Variants in KCTD16 observed in about 807,000 individuals in gnomAD.
KCTD16 encodes potassium channel tetramerization domain containing 16.
A neutral mutation model predicts 33.2 loss-of-function variants in KCTD16; 13 were observed. The observed-to-expected ratio is 0.39, with a 90% CI of 0.25 to 0.62. The LOEUF (loss-of-function observed/expected upper bound fraction) is 0.62. KCTD16 is among the 20% of genes least tolerant of loss of function. KCTD16 has a pLI of 0.50. For missense variants in KCTD16, 441 were observed against 525.1 expected, an observed-to-expected ratio of 0.84 and a Z score of 1.57; for synonymous variants, 197 against 195.3, an observed-to-expected ratio of 1.01 and a Z score of -0.07.
At chr5:144,417,990 G>A (rs776788135) in intron 3 of KCTD16, among the ~76,000 whole-genome samples, 7 of 152,136 alleles carry the variant, frequency 4.6e-5, no homozygotes, top group Non-Finnish European at 1.0e-4. Context: ...GAAGTGTCCA[G>A]AGTTTCTTCC....
intron 3 of KCTD16, among the ~76,000 whole-genome samples, chr5:144,363,392 A>G (rs889872180): frequency 6.6e-6 from 1 of 151,954 alleles, no homozygotes; most frequent in Non-Finnish European, 1.5e-5. Context: ...AAGTGAATCC[A>G]TATCTCAAAG....
At chr5:144,417,516 T>G (rs1753088941) in intron 3 of KCTD16, among the ~76,000 whole-genome samples, 1 of 152,164 alleles carries the variant, frequency 6.6e-6, no homozygotes, top group Admixed American at 6.5e-5. Context: ...TTCCAAAAAA[T>G]TATCAGATAG....
At chr5:144,358,455 A>T (rs533547056) in intron 3 of KCTD16, among the ~76,000 whole-genome samples, 1 of 152,218 alleles carries the variant, frequency 6.6e-6, no homozygotes, top group Non-Finnish European at 1.5e-5. Flanking sequence ...TTGAACTCAT[A>T]TATTTATTGA....
chr5:144,256,604 A>C (rs1580824592), intron 3 of KCTD16, among the ~76,000 whole-genome samples: 2 of 149,318 alleles, frequency 1.3e-5, no homozygotes, highest in East Asian at 3.9e-4. Flanking sequence ...AAAGTCCCCA[A>C]GGAGTTTTTT....
intron 3 of KCTD16, among the ~76,000 whole-genome samples, chr5:144,449,108 T>C (rs1192251124): frequency 1.3e-5 from 2 of 152,088 alleles, no homozygotes; most frequent in African/African-American, 4.8e-5. Flanking sequence ...TATATGTACA[T>C]ATAAATTTAA....
At chr5:144,434,519 T>C (rs1477450395) in intron 3 of KCTD16, among the ~76,000 whole-genome samples, 1 of 152,146 alleles carries the variant, frequency 6.6e-6, no homozygotes, top group African/African-American at 2.4e-5. Context: ...TTAGGCTCCA[T>C]TGGTTCTGTG....
At chr5:144,264,349 A>G (rs188991777) in intron 3 of KCTD16, among the ~76,000 whole-genome samples, 338 of 152,300 alleles carry the variant, frequency 2.2e-3, no homozygotes, top group Middle Eastern at 0.017. Context: ...CACGTTTTTC[A>G]TTTTGTACTT....
At position 144,191,081 on chromosome 5, in the gene KCTD16, A is replaced by T. The variant is rs531132930; in HGVS notation, c.-326-15308A>T. ...TTTTATCTTTATTTCCCTTTCTTTC[A>T]TGGCTGGGGGATAGAGGGAAAATAT... On this transcript the variant is annotated intron_variant, in intron 2 of 3. Coordinates refer to ENST00000512467, the MANE Select transcript of KCTD16 (RefSeq NM_020768.4). Among the ~76,000 whole-genome samples the T allele has an allele frequency of 2.6e-5, 4 of 152,268 alleles. No homozygotes were observed. The South Asian group carries it at 6.2e-4, about 24-fold the overall frequency.
At chr5:144,375,556 C>G (rs1752070472) in intron 3 of KCTD16, among the ~76,000 whole-genome samples, 1 of 152,110 alleles carries the variant, frequency 6.6e-6, no homozygotes, top group Non-Finnish European at 1.5e-5. Flanking sequence ...GACAGTATTC[C>G]AGGTGATGCT....
chr5:144,317,601 G>A (rs1751956073), intron 3 of KCTD16, among the ~76,000 whole-genome samples: 1 of 152,138 alleles, frequency 6.6e-6, no homozygotes, highest in African/African-American at 2.4e-5. Context: ...GTGCCATTTT[G>A]TTTCTAGTGT....
At chr5:144,473,449 T>C (rs2127002298) in intron 3 of KCTD16, among the ~76,000 whole-genome samples, 1 of 152,276 alleles carries the variant, frequency 6.6e-6, no homozygotes, top group South Asian at 2.1e-4. Context: ...TTTCCTCTTA[T>C]ATAGCATGCC....
chr5:144,392,529 A>C (rs1190416321), intron 3 of KCTD16, among the ~76,000 whole-genome samples: 1 of 152,224 alleles, frequency 6.6e-6, no homozygotes, highest in Non-Finnish European at 1.5e-5. Context: ...AGGTGGACCT[A>C]TGTGAAAACA....
At chr5:144,217,465 G>A (rs1328953942) in intron 3 of KCTD16, among the ~76,000 whole-genome samples, 2 of 152,194 alleles carry the variant, frequency 1.3e-5, no homozygotes, top group Non-Finnish European at 1.5e-5. Context: ...GTTTCACTTG[G>A]CTTTTCTGAA....
intron 3 of KCTD16, among the ~76,000 whole-genome samples, chr5:144,307,606 G>A (rs1225311145): frequency 6.6e-6 from 1 of 152,204 alleles, no homozygotes; most frequent in Non-Finnish European, 1.5e-5. Context: ...TTTGCAAATG[G>A]TGGAGACAGA....
At chr5:144,316,826 C>CTTTTTTTTTT (rs34796022) in intron 3 of KCTD16, among the ~76,000 whole-genome samples, 3 of 111,174 alleles carry the variant, frequency 2.7e-5, no homozygotes, top group African/African-American at 3.4e-5. Context: ...GCCAGCATCC[C>CTTTTTTTTTT]TTTTTTTTTT....
At chr5:144,344,569 G>A (rs1199001992) in intron 3 of KCTD16, among the ~76,000 whole-genome samples, 1 of 151,336 alleles carries the variant, frequency 6.6e-6, no homozygotes, top group African/African-American at 2.4e-5. Flanking sequence ...CTTCTCAAAA[G>A]AAGACATTTA....
chr5:144,382,278 C>T lies in KCTD16; in HGVS notation c.833-91382C>T, dbSNP rs549589545. 8.9e-4 allele frequency among the ~76,000 whole-genome samples: 136 copies of T among 152,240 alleles called. 6 individuals are homozygous for T. The South Asian group carries it at 0.027, about 30-fold the overall frequency. On this transcript the variant is annotated intron_variant, in intron 3 of 3. Transcript: ENST00000512467. ...AGCATGTGGGAAGAGGGTGAAGGTACTCTTTAGTCACTTCCTGGGTGACTA... is the reference window on the plus strand; with the variant it reads ...AGCATGTGGGAAGAGGGTGAAGGTATTCTTTAGTCACTTCCTGGGTGACTA...
At chr5:144,440,562 C>T (rs190670370) in intron 3 of KCTD16, among the ~76,000 whole-genome samples, 30 of 151,890 alleles carry the variant, frequency 2.0e-4, no homozygotes, top group Admixed American at 2.0e-3. Context: ...CATGGTTCAG[C>T]AACTCACACC....
Position 144,328,322 on chromosome 5 carries a change from A to C in KCTD16, c.832+120776A>C, listed in dbSNP as rs143390638. 4.4e-3 allele frequency among the ~76,000 whole-genome samples: 673 copies of C among 152,220 alleles called. 6 individuals carry two copies. Among genetic ancestry groups the C allele is most frequent in the African/African-American group, 0.015 (644 of 41,552 alleles). On this transcript the variant is annotated intron_variant, in intron 3 of 3. Coordinates refer to ENST00000512467, the MANE Select transcript of KCTD16 (RefSeq NM_020768.4). ...AAGGTGCATATGTGGTTGTGAATTC[A>C]CTAGGCAATTACATAAATCTCCTCA...
Sources: gnomAD v4.1 joint callset for allele counts (sites outside exome capture counted in the v4.1 genomes callset) on GRCh38, gnomAD v4.1.1 for gene constraint, MANE v1.5 for transcripts, NCBI Gene and HGNC (gene_info 2026-07-23, HGNC 2026-07-21) for gene names.